AKNA: variants seen among roughly 807,000 people sequenced by gnomAD.
AKNA encodes AT-hook transcription factor, also known as microtubule organization protein AKNA.
Under a neutral mutation model 138.8 loss-of-function variants are expected in AKNA, and 67 were observed. The ratio of observed to expected loss-of-function variants is 0.48; its 90% CI spans 0.40 to 0.59. The LOEUF (loss-of-function observed/expected upper bound fraction) is 0.59. AKNA is among the 20% of genes least tolerant of loss of function. The pLI, the probability that AKNA is intolerant of heterozygous loss-of-function variation, is 0.00. For missense variants in AKNA, 1,813 were observed against 1,880.4 expected (o/e 0.96, Z 0.66); for synonymous variants, 737 against 754.4 (o/e 0.98, Z 0.38).
chr9:114,331,495 A>C (rs546345837), downstream of AKNA: 62 of 1,247,060 alleles, frequency 5.0e-5, no homozygotes, highest in Admixed American at 3.8e-4. Context: ...CACACCTAGG[A>C]CTCCTCACCT....
chr9:114,388,039 GC>G (rs1376931510), upstream of AKNA: 1 of 268,376 alleles, frequency 3.7e-6, no homozygotes, highest in Non-Finnish European at 8.3e-6. Context: ...CCCCGCCCCT[GC>G]CGTGGTTGAG....
In AKNA at chr9:114,346,825, T is replaced by G. The variant is rs1175823104; in HGVS notation, c.3399-41A>C. On this transcript the variant is annotated intron_variant, in intron 16 of 21. Coordinates refer to ENST00000374088, the MANE Select transcript of AKNA (RefSeq NM_001317950.2). ...AGAGATGATGTCATTGGATGAGGTTTTGTGTGGCCTTTAAAGGTTATTTGT... is the reference window on the plus strand; with the variant it reads ...AGAGATGATGTCATTGGATGAGGTTGTGTGTGGCCTTTAAAGGTTATTTGT... 2.6e-6 allele frequency: 4 copies of G among 1,550,706 alleles called. No homozygotes were observed. In the Admixed American group the frequency reaches 6.9e-5, roughly 27 times the overall value.
chr9:114,353,543 C>T (rs761156837), intron 14 of AKNA, among the ~76,000 whole-genome samples: 4 of 152,168 alleles, frequency 2.6e-5, no homozygotes, highest in East Asian at 1.9e-4. Context: ...GGATTACAGG[C>T]GTGAGCCACC....
intron 4 of AKNA, 34 bp from the exon 5 acceptor site, chr9:114,368,629 C>T (rs1207835850): frequency 7.4e-7 from 1 of 1,342,974 alleles, no homozygotes; most frequent in Non-Finnish European, 9.6e-7. Context: ...ACAGCCAAGT[C>T]AGGGTAGGGG....
intron 3 of AKNA, chr9:114,376,186 C>G (rs1302069034): frequency 2.8e-6 from 1 of 353,142 alleles, no homozygotes; most frequent in East Asian, 8.6e-5. Context: ...GCCTCCACCC[C>G]AGGCCTCCCC....
downstream of AKNA, chr9:114,332,918 C>T: frequency 1.4e-6 from 1 of 721,922 alleles, no homozygotes; most frequent in Non-Finnish European, 2.3e-6. Context: ...TGCCCAAGAT[C>T]ACCCAGCTGG....
intron 15 of AKNA, among the ~76,000 whole-genome samples, chr9:114,350,412 G>A (rs748402377): frequency 1.3e-5 from 2 of 152,112 alleles, no homozygotes; most frequent in African/African-American, 2.4e-5. Flanking sequence ...CTGACCAAGC[G>A]ATTTTACCAT....
In AKNA at chr9:114,372,666, G is replaced by A. The variant is rs546011948; in HGVS notation, c.1416+1427C>T. Among the ~76,000 whole-genome samples the A allele has an allele frequency of 2.2e-4, 33 of 152,302 alleles. 1 individual carries two copies. In the South Asian group the frequency reaches 5.8e-3, roughly 27 times the overall value. Reference sequence around the variant, plus strand: ...GCCCCAGTTTCCCAATCTGCCAAATGGGGAAGCCCAAGTGTTTGGGTCTGA... The same window carrying A: ...GCCCCAGTTTCCCAATCTGCCAAATAGGGAAGCCCAAGTGTTTGGGTCTGA... On this transcript the variant is annotated intron_variant, in intron 4 of 21. Coordinates refer to ENST00000374088, the MANE Select transcript of AKNA (RefSeq NM_001317950.2).
chr9:114,331,125 GC>G, downstream of AKNA, among the ~76,000 whole-genome samples: 1 of 152,158 alleles, frequency 6.6e-6, no homozygotes, highest in Admixed American at 6.5e-5. Flanking sequence ...CTCCAGGCTG[GC>G]TTCAGATCTG....
intron 4 of AKNA, 100 bp downstream of exon 4, chr9:114,373,993 C>G: frequency 7.8e-7 from 1 of 1,286,736 alleles, no homozygotes; most frequent in Non-Finnish European, 1.1e-6. Context: ...TCCAGGGCCT[C>G]AGTAGATGGA....
chr9:114,390,259 T>TG (rs1834283221), upstream of AKNA, among the ~76,000 whole-genome samples: 1 of 152,070 alleles, frequency 6.6e-6, no homozygotes, highest in Non-Finnish European at 1.5e-5. Flanking sequence ...GCTCATGCAC[T>TG]GCCCCCTCTT....
rs776516775 is a variant in AKNA, at chr9:114,356,874, G to A, written c.2835C>T (p.Leu945=). ...GGATCCCGGGATACCTGATGTGGGA[G>A]AGCCGGTGCTCTGGAGTCTGGGTGA... ...SPLTQTPEHR[L]SHISTAGTLA... Residue 945 remains leucine (L), a synonymous_variant, in exon 13 of 22, where the codon CTC becomes CTT. Transcript: ENST00000374088. The A allele has an allele frequency of 6.4e-7, 1 of 1,551,372 alleles. No individual in the cohort carries two copies. Among genetic ancestry groups the A allele is most frequent in the Admixed American group, 2.2e-5 (1 of 45,276 alleles).
In AKNA at chr9:114,356,857, G is replaced by A; in HGVS notation, c.2846+6C>T. On this transcript the variant is annotated splice_donor_region_variant and intron_variant, in intron 13 of 21. Transcript: ENST00000374088. ...CTGACGGGACAATGGCGGGATCCCGGGATACCTGATGTGGGAGAGCCGGTG... is the reference window on the plus strand; with the variant it reads ...CTGACGGGACAATGGCGGGATCCCGAGATACCTGATGTGGGAGAGCCGGTG... 6.5e-7 allele frequency: 1 copy of A among 1,537,184 alleles called. No homozygotes were observed. Among genetic ancestry groups the A allele is most frequent in the Non-Finnish European group, 8.7e-7 (1 of 1,151,356 alleles).
chr9:114,359,502 T>C, intron 11 of AKNA, 92 bp downstream of exon 11: 2 of 1,598,152 alleles, frequency 1.3e-6, no homozygotes, highest in Admixed American at 1.7e-5. Context: ...ATGTCTAAAC[T>C]GTGAAGCGCT....
intron 4 of AKNA, among the ~76,000 whole-genome samples, chr9:114,373,338 C>T (rs886469117): frequency 3.3e-5 from 5 of 152,128 alleles, no homozygotes; most frequent in Non-Finnish European, 7.3e-5. Context: ...CTGCCCCATA[C>T]TGCTGTTCAG....
intron 21 of AKNA, among the ~76,000 whole-genome samples, chr9:114,338,943 A>C (rs1564613193): frequency 6.6e-6 from 1 of 152,172 alleles, no homozygotes; most frequent in Non-Finnish European, 1.5e-5. Context: ...GATGCTGATA[A>C]AATAATCTGA....
Position 114,350,956 on chromosome 9 carries a change from T to C in AKNA, c.3124A>G (p.Ile1042Val), listed in dbSNP as rs768880296. The C allele has an allele frequency of 9.9e-6, 16 of 1,613,122 alleles. No homozygotes were observed. Among genetic ancestry groups the C allele is most frequent in the Admixed American group, 1.7e-5 (1 of 59,964 alleles). ...ISEQPLPNKT[I>V]SPPPAPAPAA... The stretch of plus-strand genomic sequence containing the variant: ...GGGGCGGGGGCTGGGGGTGGGCTGA[T>C]TGTCTTGTTGGGAAGGGGCTGTTCA... Residue 1042 changes from isoleucine to valine, a missense_variant, in exon 15 of 22, where the codon ATC (isoleucine) becomes GTC (valine). Transcript: ENST00000374088.
chr9:114,339,015 C>T (rs922901544), intron 21 of AKNA, among the ~76,000 whole-genome samples: 5 of 152,200 alleles, frequency 3.3e-5, no homozygotes, highest in Admixed American at 6.5e-5. Flanking sequence ...CTCTAGGGAC[C>T]GTCTGGTGTA....
chr9:114,378,972 C>A (rs2132071556), intron 2 of AKNA, among the ~76,000 whole-genome samples: 1 of 152,346 alleles, frequency 6.6e-6, no homozygotes, highest in African/African-American at 2.4e-5. Flanking sequence ...ACCCTTGATG[C>A]CTCTACGTCT....
Sources: allele counts gnomAD v4.1 joint callset (sites outside exome capture counted in the v4.1 genomes callset), GRCh38; gene constraint gnomAD v4.1.1; transcripts MANE v1.5; gene names NCBI Gene and HGNC (gene_info 2026-07-23, HGNC 2026-07-21).